Variants in CDH2 observed in about 807,000 individuals in gnomAD.
CDH2 encodes cadherin-2.
CDH2 carries 17 observed loss-of-function variants against 92.0 expected under a neutral mutation model. The observed-to-expected ratio is 0.18, with a 90% CI of 0.13 to 0.28. The LOEUF is 0.28. CDH2 is among the 10% of genes least tolerant of loss of function. The pLI, the probability that CDH2 is intolerant of heterozygous loss-of-function variation, is 1.00. For missense variants in CDH2, 862 were observed against 1,133.1 expected, an observed-to-expected ratio of 0.76 and a Z score of 3.44; for synonymous variants, 419 against 415.9, an observed-to-expected ratio of 1.01 and a Z score of -0.09.
chr18:28,076,861 CA>C (rs1369065618), intron 2 of CDH2, among the ~76,000 whole-genome samples: 1 of 151,728 alleles, frequency 6.6e-6, no homozygotes, highest in Non-Finnish European at 1.5e-5. Context: ...AAATTATAAC[CA>C]AATAAAATAA....
chr18:28,049,888 TG>T (rs1298436276), intron 2 of CDH2, among the ~76,000 whole-genome samples: 1 of 152,240 alleles, frequency 6.6e-6, no homozygotes, highest in Non-Finnish European at 1.5e-5. Context: ...CCCATTTCAT[TG>T]ATGTTTAGTG....
chr18:28,025,595 A>G lies in CDH2; in HGVS notation c.173-11686T>C, dbSNP rs1446939649. Among the ~76,000 whole-genome samples, 3 of 150,520 alleles carry G rather than the reference A, an allele frequency of 2.0e-5. No individual in the cohort carries two copies. The Admixed American group carries it at 2.0e-4, about 10-fold the overall frequency. On this transcript the variant is annotated intron_variant, in intron 2 of 15. Transcript: ENST00000269141. The stretch of plus-strand genomic sequence containing the variant: ...GTTTTCAGAGCAAGCCATAAGAGTA[A>G]ATATTATTATTTTTATTAATTTTAA...
At chr18:27,963,850 G>A (rs993323615) in intron 14 of CDH2, among the ~76,000 whole-genome samples, 1 of 152,048 alleles carries the variant, frequency 6.6e-6, no homozygotes, top group Non-Finnish European at 1.5e-5. Context: ...ACAAGCAAAG[G>A]TGCTAACTTC....
intron 6 of CDH2, among the ~76,000 whole-genome samples, chr18:28,004,363 A>G (rs1160974840): frequency 2.0e-5 from 3 of 152,200 alleles, no homozygotes; most frequent in African/African-American, 7.2e-5. Flanking sequence ...TGTGAGCCAA[A>G]ATATAGATCA....
intron 2 of CDH2, among the ~76,000 whole-genome samples, chr18:28,067,352 C>A (rs2014528719): frequency 6.6e-6 from 1 of 152,068 alleles, no homozygotes; most frequent in South Asian, 2.1e-4. Context: ...CCCCTCACAG[C>A]CGTCATCTCC....
intron 2 of CDH2, among the ~76,000 whole-genome samples, chr18:28,061,839 G>T (rs779507365): frequency 6.6e-6 from 1 of 152,088 alleles, no homozygotes; most frequent in African/African-American, 2.4e-5. Flanking sequence ...AAAACCATCA[G>T]ATCTCATGAG....
Position 28,081,074 on chromosome 18 carries a change from G to T in CDH2, c.172+66599C>A, listed in dbSNP as rs914764348. Among the ~76,000 whole-genome samples, 8 of 152,168 alleles carry T rather than the reference G, an allele frequency of 5.3e-5. No homozygotes were observed. In the East Asian group the frequency reaches 1.5e-3, roughly 29 times the overall value. On this transcript the variant is annotated intron_variant, in intron 2 of 15. Transcript: ENST00000269141. ...TCATCTGAGAAGAGGCACCTGTGAG[G>T]CTCAACCATATGCAAAGGACCTTGC... is the stretch of plus-strand genomic sequence containing the variant.
intron 2 of CDH2, among the ~76,000 whole-genome samples, chr18:28,082,730 T>C (rs2014855313): frequency 6.6e-6 from 1 of 152,202 alleles, no homozygotes; most frequent in African/African-American, 2.4e-5. Context: ...ACTTGAGATG[T>C]GGTTTCTTGA....
At chr18:27,969,840 A>G (rs1598997326) in intron 14 of CDH2, among the ~76,000 whole-genome samples, 1 of 152,178 alleles carries the variant, frequency 6.6e-6, no homozygotes, top group East Asian at 1.9e-4. Flanking sequence ...ACATGGTGCA[A>G]CCCTGTCTCT....
At chr18:28,130,814 G>T (rs1027823426) in intron 2 of CDH2, among the ~76,000 whole-genome samples, 1 of 152,138 alleles carries the variant, frequency 6.6e-6, no homozygotes, top group Admixed American at 6.5e-5. Flanking sequence ...CTTTCAAAGT[G>T]GTCTAGAGTA....
At chr18:28,117,837 C>T (rs2015520513) in intron 2 of CDH2, among the ~76,000 whole-genome samples, 1 of 152,044 alleles carries the variant, frequency 6.6e-6, no homozygotes, top group Non-Finnish European at 1.5e-5. Flanking sequence ...AGCAGCTGAG[C>T]CAAACCCCAA....
intron 2 of CDH2, among the ~76,000 whole-genome samples, chr18:28,120,287 C>A (rs1468155110): frequency 6.6e-6 from 1 of 151,904 alleles, no homozygotes; most frequent in African/African-American, 2.4e-5. Flanking sequence ...TGTATGTATG[C>A]ATATAGGCCC....
Position 28,092,914 on chromosome 18 carries a change from T to C in CDH2, c.172+54759A>G, listed in dbSNP as rs1377157843. 2.6e-5 allele frequency among the ~76,000 whole-genome samples: 4 copies of C among 152,168 alleles called. No homozygotes were observed. In the East Asian group the frequency reaches 7.7e-4, roughly 29 times the overall value. On this transcript the variant is annotated intron_variant, in intron 2 of 15. Coordinates refer to ENST00000269141, the MANE Select transcript of CDH2 (RefSeq NM_001792.5). Reference sequence around the variant, plus strand: ...CCTATGCCACCCCCTACATTTACATTTTGTGCTCTTTCAAAGGCAAACAAT... The same window carrying C: ...CCTATGCCACCCCCTACATTTACATCTTGTGCTCTTTCAAAGGCAAACAAT...
chr18:27,973,055 A>G (rs1429030056), intron 14 of CDH2, among the ~76,000 whole-genome samples: 3 of 152,186 alleles, frequency 2.0e-5, no homozygotes, highest in Admixed American at 1.3e-4. Flanking sequence ...AACAAACTGA[A>G]TTGTCAACCC....
intron 2 of CDH2, among the ~76,000 whole-genome samples, chr18:28,132,779 C>T (rs11564381): frequency 0.2 from 30,198 of 152,130 alleles, 3,625 homozygotes; most frequent in Non-Finnish European, 0.28. Context: ...TATTCACAGA[C>T]TGCTTATGGC....
rs66502168 is a variant in CDH2, at chr18:28,103,300, TTA to T, written c.172+44371_172+44372del. On this transcript the variant is annotated intron_variant, in intron 2 of 15. Transcript: ENST00000269141. ...ATAAAGTATATATATAAAAACTCCT[TTA>T]TATATATATAAAGTATATATATAAA... Among the ~76,000 whole-genome samples, 109 of 143,062 alleles carry T rather than the reference TTA, an allele frequency of 7.6e-4. 1 individual carries two copies. Among genetic ancestry groups the T allele is most frequent in the African/African-American group, 2.3e-3 (89 of 39,448 alleles). The allele number at this position is 143,062 out of a possible 152,430, so 93.9% of individuals were successfully genotyped here. A position where few individuals can be genotyped will look rare whatever the true frequency, so the allele number is the denominator to read the frequency against.
chr18:28,024,028 T>C (rs2013482421), intron 2 of CDH2, among the ~76,000 whole-genome samples: 1 of 152,106 alleles, frequency 6.6e-6, no homozygotes, highest in Non-Finnish European at 1.5e-5. Context: ...TTTTAAAACT[T>C]GATCATATAG....
At chr18:28,158,675 C>G (rs2016259130) in intron 1 of CDH2, among the ~76,000 whole-genome samples, 1 of 152,198 alleles carries the variant, frequency 6.6e-6, no homozygotes, top group Non-Finnish European at 1.5e-5. Context: ...TCTACAAAAT[C>G]AAAGCCACTT....
At chr18:27,997,420 C>A (rs548387379) in intron 7 of CDH2, among the ~76,000 whole-genome samples, 1 of 152,292 alleles carries the variant, frequency 6.6e-6, no homozygotes, top group Admixed American at 6.5e-5. Flanking sequence ...CCATATAGAG[C>A]CACCAAATGC....
Sources: allele counts gnomAD v4.1 joint callset (sites outside exome capture counted in the v4.1 genomes callset), GRCh38; gene constraint gnomAD v4.1.1; transcripts MANE v1.5; gene names NCBI Gene and HGNC (gene_info 2026-07-23, HGNC 2026-07-21).